Variants in PCDHA10 observed in about 807,000 individuals in gnomAD.
PCDHA10 encodes the protein protocadherin alpha-10.
Under a neutral mutation model 61.2 loss-of-function variants are expected in PCDHA10, and 45 were observed. The observed-to-expected ratio is 0.74, with a 90% CI of 0.58 to 0.94. The LOEUF (loss-of-function observed/expected upper bound fraction) is 0.94. PCDHA10 is among the 40% of genes least tolerant of loss of function. The pLI is 0.00. For missense variants in PCDHA10, 1,278 were observed against 1,236.2 expected (o/e 1.03, Z -0.51); for synonymous variants, 602 against 548.8 (o/e 1.10, Z -1.35).
In PCDHA10 at chr5:140,857,847, C is replaced by G. The variant is rs782775653; in HGVS notation, c.1799C>G (p.Ser600Cys). The G allele has an allele frequency of 1.4e-5, 23 of 1,597,872 alleles. 1 individual carries two copies. The South Asian group carries it at 2.0e-4, about 14-fold the overall frequency. Residue 600 changes from serine (S) to cysteine (C), a missense_variant, in exon 1 of 4, where the codon TCT becomes TGT. Physicochemically the swap from Ser to Cys is moderately radical, Grantham distance 112 (BLOSUM62 -1). Coordinates refer to ENST00000307360, the MANE Select transcript of PCDHA10 (RefSeq NM_018901.4). The part of the protein sequence containing the change: ...VAKVRAVDAD[S>C]GYNAWLSYEL... Reference sequence around the variant, plus strand: ...AAGGTGCGCGCAGTGGACGCTGACTCTGGATACAACGCGTGGCTGTCGTAT... The same window carrying G: ...AAGGTGCGCGCAGTGGACGCTGACTGTGGATACAACGCGTGGCTGTCGTAT...
chr5:140,967,985 A>C, intron 1 of PCDHA10: 1 of 1,614,218 alleles, frequency 6.2e-7, no homozygotes, highest in Non-Finnish European at 8.5e-7. Context: ...TCTGGAGGCC[A>C]CACTGCCTTT....
intron 1 of PCDHA10, among the ~76,000 whole-genome samples, chr5:140,891,998 A>C (rs1336951985): frequency 2.6e-5 from 4 of 152,200 alleles, no homozygotes; most frequent in Non-Finnish European, 5.9e-5. Flanking sequence ...AGTCTGTGGC[A>C]TTCTGTTATA....
chr5:140,939,510 A>G (rs2092401222), intron 1 of PCDHA10, among the ~76,000 whole-genome samples: 1 of 150,724 alleles, frequency 6.6e-6, no homozygotes, highest in Admixed American at 6.6e-5. Flanking sequence ...TGTCTATAAC[A>G]TTAATAGTTA....
chr5:140,871,290 C>T, intron 1 of PCDHA10: 8 of 1,613,900 alleles, frequency 5.0e-6, no homozygotes, highest in African/African-American at 1.3e-5. Context: ...CCACTGAGGG[C>T]GCGTGCGCGC....
intron 3 of PCDHA10, among the ~76,000 whole-genome samples, chr5:140,997,400 G>A (rs1554255862): frequency 3.3e-5 from 5 of 152,056 alleles, no homozygotes; most frequent in Admixed American, 1.3e-4. Context: ...AGGCTCTATC[G>A]TATGGCCTAT....
intron 3 of PCDHA10, among the ~76,000 whole-genome samples, chr5:140,987,213 CAA>C (rs58319157): frequency 9.3e-5 from 11 of 118,826 alleles, no homozygotes; most frequent in African/African-American, 1.6e-4. Flanking sequence ...GACTCCATCT[CAA>C]AAAAAAAAAA....
At chr5:140,884,574 T>C (rs1554181755) in intron 1 of PCDHA10, 1 of 1,614,014 alleles carries the variant, frequency 6.2e-7, no homozygotes, top group East Asian at 2.2e-5. Context: ...AAGACGGACC[T>C]CATGGCCTTC....
At chr5:141,001,030 G>A (rs1356604139) in intron 3 of PCDHA10, among the ~76,000 whole-genome samples, 1 of 151,894 alleles carries the variant, frequency 6.6e-6, no homozygotes, top group Non-Finnish European at 1.5e-5. Context: ...TATAATAATA[G>A]CTTTAATTAA....
intron 1 of PCDHA10, among the ~76,000 whole-genome samples, chr5:140,908,888 C>T (rs2074210125): frequency 1.3e-5 from 2 of 152,122 alleles, no homozygotes; most frequent in African/African-American, 4.8e-5. Flanking sequence ...CCAATAGTCC[C>T]AAATAAGCCT....
intron 3 of PCDHA10, 146 bp downstream of exon 3, chr5:140,982,709 A>G (rs2096998107): frequency 2.2e-6 from 3 of 1,375,182 alleles, no homozygotes; most frequent in Admixed American, 2.9e-5. Flanking sequence ...ATTTCCTTAC[A>G]TATATGATTA....
chr5:140,871,028 C>A (rs782198197), intron 1 of PCDHA10: 2 of 1,613,234 alleles, frequency 1.2e-6, no homozygotes, highest in Non-Finnish European at 1.7e-6. Context: ...GCAGACTCGC[C>A]GCGCCACCGA....
At chr5:140,947,027 A>G (rs554018076) in intron 1 of PCDHA10, among the ~76,000 whole-genome samples, 2 of 151,820 alleles carry the variant, frequency 1.3e-5, no homozygotes, top group African/African-American at 2.4e-5. Context: ...GAGGTAATGG[A>G]TATACTAATT....
intron 1 of PCDHA10, chr5:140,860,608 A>G (rs1266938252): frequency 6.6e-6 from 1 of 152,266 alleles, no homozygotes; most frequent in African/African-American, 2.4e-5. Flanking sequence ...GCTCACAAAG[A>G]GAAACATAAA....
At chr5:140,877,438 G>A (rs1554169741) in intron 1 of PCDHA10, 1 of 1,613,892 alleles carries the variant, frequency 6.2e-7, no homozygotes, top group South Asian at 1.1e-5. Context: ...GGACCACGGT[G>A]AGCCCGCGCT....
rs6883852 is a variant in PCDHA10, at chr5:140,924,704, G to T, written c.2389-54245G>T. 8.9e-3 allele frequency among the ~76,000 whole-genome samples: 1,352 copies of T among 152,160 alleles called. 15 individuals are homozygous for T. Among genetic ancestry groups the T allele is most frequent in the African/African-American group, 0.032 (1,309 of 41,486 alleles). On this transcript the variant is annotated intron_variant, in intron 1 of 3. Coordinates refer to ENST00000307360, the MANE Select transcript of PCDHA10 (RefSeq NM_018901.4). ...GAGGTCAGGAGTTCGAGACCAGCTT[G>T]TGCAACATGGCGAAACCTCACCTCT...
Position 140,857,332 on chromosome 5 carries a change from C to T in PCDHA10, c.1284C>T (p.Asp428=), listed in dbSNP as rs782461373. ...SAYELVVTAR[D]GGSPPLWATA... The stretch of plus-strand genomic sequence containing the variant: ...ATGAGCTGGTGGTGACCGCGCGGGA[C>T]GGGGGCTCGCCTCCGCTGTGGGCCA... The change falls in exon 1 of 4, where the codon GAC becomes GAT. Residue 428 remains aspartate (D), a synonymous_variant. Transcript: ENST00000307360. The T allele has an allele frequency of 1.9e-5, 30 of 1,598,216 alleles. No homozygotes were observed. In the South Asian group the frequency reaches 2.0e-4, roughly 11 times the overall value.
chr5:140,870,107 T>C, intron 1 of PCDHA10: 1 of 1,613,786 alleles, frequency 6.2e-7, no homozygotes, highest in Admixed American at 1.7e-5. Flanking sequence ...CACTGTACAG[T>C]CTGGGTGGAA....
intron 1 of PCDHA10, among the ~76,000 whole-genome samples, chr5:140,885,773 G>T (rs1419137937): frequency 6.6e-6 from 1 of 152,016 alleles, no homozygotes; most frequent in African/African-American, 2.4e-5. Flanking sequence ...TATAGTATTA[G>T]TGAATTTGAG....
At chr5:140,925,072 G>A (rs921580794) in intron 1 of PCDHA10, among the ~76,000 whole-genome samples, 10 of 149,184 alleles carry the variant, frequency 6.7e-5, no homozygotes, top group Admixed American at 2.0e-4. Flanking sequence ...AAAGCAACAC[G>A]CTCATCTGGA....
Sources: gnomAD v4.1 joint callset for allele counts (sites outside exome capture counted in the v4.1 genomes callset) on GRCh38, gnomAD v4.1.1 for gene constraint, MANE v1.5 for transcripts, NCBI Gene and HGNC (gene_info 2026-07-23, HGNC 2026-07-21) for gene names.